SYNDIG1: variants seen among roughly 807,000 people sequenced by gnomAD.
The protein encoded by SYNDIG1 is synapse differentiation-inducing gene protein 1.
A neutral mutation model predicts 19.4 loss-of-function variants in SYNDIG1; 9 were observed. The observed-to-expected ratio is 0.46, with a 90% CI of 0.28 to 0.81. SYNDIG1 has a LOEUF of 0.81. SYNDIG1 is among the 30% of genes least tolerant of loss of function. The probability of loss-of-function intolerance (pLI) is 0.12; values close to 1 mark genes in which losing one functional copy is unlikely to be tolerated. For synonymous variants in SYNDIG1, 141 were observed against 145.9 expected (o/e 0.97, Z 0.24); for missense variants, 311 against 343.3 (o/e 0.91, Z 0.74).
chr20:24,572,547 A>T (rs1440343495), intron 2 of SYNDIG1, among the ~76,000 whole-genome samples: 2 of 152,174 alleles, frequency 1.3e-5, no homozygotes, highest in South Asian at 2.1e-4. Flanking sequence ...GGAGACCCAC[A>T]TTCTTCCCAC....
intron 1 of SYNDIG1, among the ~76,000 whole-genome samples, chr20:24,518,772 A>G (rs915327267): frequency 6.6e-6 from 1 of 152,190 alleles, no homozygotes; most frequent in Non-Finnish European, 1.5e-5. Flanking sequence ...TCCCAGCTCC[A>G]TGTTTCACTC....
intron 1 of SYNDIG1, among the ~76,000 whole-genome samples, chr20:24,499,311 C>T (rs1169761168): frequency 2.6e-5 from 4 of 152,202 alleles, no homozygotes; most frequent in African/African-American, 9.7e-5. Flanking sequence ...AGGCGTGAGC[C>T]ACTGCGCTCA....
chr20:24,625,304 A>G (rs1226210755), intron 3 of SYNDIG1, among the ~76,000 whole-genome samples: 1 of 152,064 alleles, frequency 6.6e-6, no homozygotes, highest in Non-Finnish European at 1.5e-5. Context: ...ACCTCTAGCC[A>G]GGCTAACCAG....
intron 1 of SYNDIG1, among the ~76,000 whole-genome samples, chr20:24,489,403 GCA>G (rs1188554371): frequency 3.3e-5 from 5 of 149,704 alleles, no homozygotes; most frequent in East Asian, 2.0e-4. Flanking sequence ...AGACACATGT[GCA>G]CACAGACACA....
intron 3 of SYNDIG1, among the ~76,000 whole-genome samples, chr20:24,622,017 A>G (rs1041038718): frequency 6.6e-6 from 1 of 152,248 alleles, no homozygotes; most frequent in Non-Finnish European, 1.5e-5. Flanking sequence ...AGGCAGGCCA[A>G]AAGTCAAGAG....
At chr20:24,652,334 C>T (rs1292853682) in intron 3 of SYNDIG1, among the ~76,000 whole-genome samples, 1 of 152,166 alleles carries the variant, frequency 6.6e-6, no homozygotes, top group Non-Finnish European at 1.5e-5. Context: ...CCTGGAACCT[C>T]CTAATTTTGT....
At chr20:24,653,188 A>T (rs2059490169) in intron 3 of SYNDIG1, among the ~76,000 whole-genome samples, 1 of 152,216 alleles carries the variant, frequency 6.6e-6, no homozygotes, top group Non-Finnish European at 1.5e-5. Context: ...ATGGACGTGG[A>T]GCAACAAGAA....
At chr20:24,506,283 G>A (rs113713883) in intron 1 of SYNDIG1, among the ~76,000 whole-genome samples, 2,194 of 152,332 alleles carry the variant, frequency 0.014, 22 homozygotes, top group Middle Eastern at 0.024. Flanking sequence ...ATAAGATGAG[G>A]TGAAACCTCT....
chr20:24,653,697 T>C (rs2059496137), intron 3 of SYNDIG1, among the ~76,000 whole-genome samples: 1 of 152,192 alleles, frequency 6.6e-6, no homozygotes, highest in African/African-American at 2.4e-5. Context: ...AGGGCTGCCA[T>C]AACAAAATGC....
chr20:24,519,839 GCACA>G (rs148158255), intron 1 of SYNDIG1, among the ~76,000 whole-genome samples: 25 of 148,202 alleles, frequency 1.7e-4, no homozygotes, highest in South Asian at 4.3e-4. Context: ...ACGCGCACAT[GCACA>G]CACACACACA....
At chr20:24,547,189 C>A (rs1297743363) in intron 2 of SYNDIG1, among the ~76,000 whole-genome samples, 1 of 152,194 alleles carries the variant, frequency 6.6e-6, no homozygotes, top group East Asian at 1.9e-4. Context: ...GAGCGGGGCT[C>A]CCTTGCTGGA....
intron 2 of SYNDIG1, among the ~76,000 whole-genome samples, chr20:24,583,846 G>C (rs1332240778): frequency 6.6e-6 from 1 of 152,142 alleles, no homozygotes; most frequent in Non-Finnish European, 1.5e-5. Flanking sequence ...ACCCATGGAC[G>C]CAAAGAGAAG....
intron 2 of SYNDIG1, among the ~76,000 whole-genome samples, chr20:24,579,489 A>T (rs139829681): frequency 1.3e-5 from 2 of 152,314 alleles, no homozygotes; most frequent in Middle Eastern, 3.4e-3. Context: ...TCTTTCTAAG[A>T]TGGAGTCACT....
rs1257148559 is a variant in SYNDIG1, at chr20:24,534,846, G to T, written c.-78-8174G>T. On this transcript the variant is annotated intron_variant, in intron 1 of 3. Transcript: ENST00000376862. The stretch of plus-strand genomic sequence containing the variant: ...CGTGGTGTGGTAGGGGCTGGACACG[G>T]TGCGGCTTCCTTTATTCCCTGGGTT... 2.6e-5 allele frequency among the ~76,000 whole-genome samples: 4 copies of T among 152,210 alleles called. No homozygotes were observed. The East Asian group carries it at 5.8e-4, about 22-fold the overall frequency.
intron 1 of SYNDIG1, among the ~76,000 whole-genome samples, chr20:24,482,653 A>T (rs1265097740): frequency 1.3e-5 from 2 of 152,214 alleles, no homozygotes; most frequent in Non-Finnish European, 2.9e-5. Flanking sequence ...GTCAGAAAAA[A>T]ACTAAATGCC....
At chr20:24,649,770 C>T (rs927303021) in intron 3 of SYNDIG1, among the ~76,000 whole-genome samples, 3 of 152,204 alleles carry the variant, frequency 2.0e-5, no homozygotes, top group African/African-American at 7.2e-5. Flanking sequence ...GTTTCTGTGC[C>T]TTCTCAGTGA....
At chr20:24,514,905 C>G (rs542294432) in intron 1 of SYNDIG1, among the ~76,000 whole-genome samples, 10 of 152,300 alleles carry the variant, frequency 6.6e-5, no homozygotes, top group Non-Finnish European at 1.5e-5. Context: ...TGTAAAAGAA[C>G]AGAAATTATA....
chr20:24,651,769 G>A lies in SYNDIG1; in HGVS notation c.619-13577G>A, dbSNP rs933408204. Among the ~76,000 whole-genome samples, 9 of 152,346 alleles carry A rather than the reference G, an allele frequency of 5.9e-5. No homozygotes were observed. The South Asian group carries it at 1.9e-3, about 32-fold the overall frequency. On this transcript the variant is annotated intron_variant, in intron 3 of 3. Coordinates refer to ENST00000376862, the MANE Select transcript of SYNDIG1 (RefSeq NM_024893.3). ...TCGTAACCAGTAGGACACAGCAGAAGTGATGTTCTGAGTCTCCTGTGGCTG... is the reference window on the plus strand; with the variant it reads ...TCGTAACCAGTAGGACACAGCAGAAATGATGTTCTGAGTCTCCTGTGGCTG...
intron 1 of SYNDIG1, among the ~76,000 whole-genome samples, chr20:24,497,677 T>C (rs2056337596): frequency 6.6e-6 from 1 of 151,938 alleles, no homozygotes; most frequent in South Asian, 2.1e-4. Flanking sequence ...GAACCTGGGG[T>C]CTCTGCCCAA....
Sources: allele counts gnomAD v4.1 joint callset (sites outside exome capture counted in the v4.1 genomes callset), GRCh38; gene constraint gnomAD v4.1.1; transcripts MANE v1.5; gene names NCBI Gene and HGNC (gene_info 2026-07-23, HGNC 2026-07-21).